Variants in GLIS3 observed in about 807,000 individuals in gnomAD.
GLIS3 encodes the protein zinc finger protein GLIS3.
A neutral mutation model predicts 78.6 loss-of-function variants in GLIS3; 53 were observed. The ratio of observed to expected loss-of-function variants is 0.67; its 90% CI spans 0.54 to 0.85. GLIS3 has a LOEUF of 0.85. GLIS3 is among the 40% of genes least tolerant of loss of function. GLIS3 has a pLI of 0.00. For missense variants in GLIS3, 1,703 were observed against 1,231.1 expected (o/e 1.38, Z -5.74); for synonymous variants, 684 against 509.9 (o/e 1.34, Z -4.60).
At chr9:4,265,925 T>TTTGC (rs1825962860) in intron 2 of GLIS3, among the ~76,000 whole-genome samples, 1 of 125,104 alleles carries the variant, frequency 8.0e-6, no homozygotes, top group Non-Finnish European at 1.6e-5. Flanking sequence ...TGTTTGTTTG[T>TTTGC]TTGTTTGTTT....
At chr9:3,906,113 G>A (rs1823680484) in intron 6 of GLIS3, among the ~76,000 whole-genome samples, 2 of 152,218 alleles carry the variant, frequency 1.3e-5, no homozygotes, top group South Asian at 2.1e-4. Context: ...GGTGCAGGAT[G>A]CAGGGCTGGA....
At position 4,021,153 on chromosome 9, in the gene GLIS3, CTGTACA is replaced by C. The variant is rs567932218; in HGVS notation, c.1711-83970_1711-83965del. Among the ~76,000 whole-genome samples the C allele has an allele frequency of 4.6e-3, 673 of 144,800 alleles. 7 individuals carry two copies. Among genetic ancestry groups the C allele is most frequent in the Middle Eastern group, 0.038 (11 of 288 alleles). 95.0% of individuals were successfully genotyped at this position (144,800 alleles called of 152,430 possible). ...TATATACTATAGTATGCTATAATAT[CTGTACA>C]TGTATATGTATATGTATATGTATAT... On this transcript the variant is annotated intron_variant, in intron 4 of 10. Coordinates refer to ENST00000381971, the MANE Select transcript of GLIS3 (RefSeq NM_001042413.2).
intron 2 of GLIS3, among the ~76,000 whole-genome samples, chr9:4,209,931 A>G (rs1183515030): frequency 1.3e-5 from 2 of 152,180 alleles, no homozygotes; most frequent in East Asian, 3.9e-4. Flanking sequence ...AACACAAAGG[A>G]GACAAGACAT....
chr9:4,480,699 G>T, the GLIS3 span, among the ~76,000 whole-genome samples: 4 of 151,368 alleles, frequency 2.6e-5, no homozygotes, highest in East Asian at 7.7e-4. Context: ...GCTCAGGAAG[G>T]CAAAAAGAAA....
chr9:4,242,067 G>A (rs377757607), intron 2 of GLIS3, among the ~76,000 whole-genome samples: 29 of 152,248 alleles, frequency 1.9e-4, no homozygotes, highest in African/African-American at 6.7e-4. Flanking sequence ...TATTTATCCT[G>A]CTGCTTTGGG....
At chr9:4,140,301 G>C (rs1313829265) in intron 2 of GLIS3, among the ~76,000 whole-genome samples, 1 of 152,126 alleles carries the variant, frequency 6.6e-6, no homozygotes, top group Non-Finnish European at 1.5e-5. Context: ...TCCAGCCTGG[G>C]TGACAAAGTG....
intron 4 of GLIS3, among the ~76,000 whole-genome samples, chr9:4,005,980 G>A (rs1035973042): frequency 6.6e-6 from 1 of 152,150 alleles, no homozygotes; most frequent in African/African-American, 2.4e-5. Context: ...AAATGTGAGT[G>A]TATTTGCCAT....
At chr9:3,861,206 C>T (rs6476719) in intron 8 of GLIS3, among the ~76,000 whole-genome samples, 55,067 of 151,962 alleles carry the variant, frequency 0.36, 10,620 homozygotes, top group South Asian at 0.47. Context: ...TGTATTAGAA[C>T]GTCTATAGAG....
the GLIS3 span, among the ~76,000 whole-genome samples, chr9:4,371,380 C>T: frequency 2.0e-5 from 3 of 152,220 alleles, no homozygotes; most frequent in Non-Finnish European, 4.4e-5. Flanking sequence ...TGACCTCAGT[C>T]GTCCTAAGCC....
At chr9:4,112,576 T>A in intron 4 of GLIS3, among the ~76,000 whole-genome samples, 1 of 152,172 alleles carries the variant, frequency 6.6e-6, no homozygotes, top group Non-Finnish European at 1.5e-5. Context: ...TACGGGTACT[T>A]CGGATGATTC....
chr9:4,076,362 G>T (rs1193897906), intron 4 of GLIS3, among the ~76,000 whole-genome samples: 1 of 152,202 alleles, frequency 6.6e-6, no homozygotes, highest in Non-Finnish European at 1.5e-5. Flanking sequence ...AAGGGAAACT[G>T]TGATCCTATT....
At chr9:3,995,456 A>G (rs377251914) in intron 4 of GLIS3, among the ~76,000 whole-genome samples, 3 of 152,184 alleles carry the variant, frequency 2.0e-5, no homozygotes, top group Non-Finnish European at 2.9e-5. Context: ...AATAGCAGAA[A>G]CAGCCAGTAG....
chr9:4,378,866 G>A, the GLIS3 span, among the ~76,000 whole-genome samples: 243 of 152,250 alleles, frequency 1.6e-3, no homozygotes, highest in Non-Finnish European at 2.6e-3. Flanking sequence ...GGGCATGGCC[G>A]ACCTGGAGAC....
At chr9:4,063,683 A>G (rs745416622) in intron 4 of GLIS3, among the ~76,000 whole-genome samples, 51 of 152,358 alleles carry the variant, frequency 3.3e-4, no homozygotes, top group Non-Finnish European at 4.3e-4. Flanking sequence ...GACAAACAAG[A>G]AAACGAATGA....
At chr9:3,862,538 A>G (rs191093542) in intron 8 of GLIS3, among the ~76,000 whole-genome samples, 10 of 152,304 alleles carry the variant, frequency 6.6e-5, no homozygotes, top group African/African-American at 2.4e-4. Context: ...TCTTTAACAA[A>G]ATTTACTAAT....
At chr9:4,143,068 G>A (rs1191746618) in intron 2 of GLIS3, among the ~76,000 whole-genome samples, 1 of 152,014 alleles carries the variant, frequency 6.6e-6, no homozygotes, top group Non-Finnish European at 1.5e-5. Context: ...ATAAAGATAT[G>A]TGTCTTTTTT....
intron 4 of GLIS3, among the ~76,000 whole-genome samples, chr9:4,033,452 G>A (rs1307469169): frequency 1.3e-5 from 2 of 152,122 alleles, no homozygotes; most frequent in East Asian, 1.9e-4. Flanking sequence ...CTAGAAGGAG[G>A]AAGCACAGGC....
intron 6 of GLIS3, among the ~76,000 whole-genome samples, chr9:3,918,441 A>G (rs1824662025): frequency 6.6e-6 from 1 of 152,182 alleles, no homozygotes; most frequent in Non-Finnish European, 1.5e-5. Context: ...ATTATAAAAG[A>G]TTCAAGTTCC....
At chr9:4,357,466 GACTCAGACTTTATCCCATAA>G in the GLIS3 span, among the ~76,000 whole-genome samples, 3 of 152,024 alleles carry the variant, frequency 2.0e-5, no homozygotes, top group Non-Finnish European at 4.4e-5. Flanking sequence ...CAGGCCTCCA[GACTCAGACTTTATCCCATAA>G]ACTCTCCTGG....
Sources: gnomAD v4.1 joint callset for allele counts (sites outside exome capture counted in the v4.1 genomes callset) on GRCh38, gnomAD v4.1.1 for gene constraint, MANE v1.5 for transcripts, NCBI Gene and HGNC (gene_info 2026-07-23, HGNC 2026-07-21) for gene names.